Variants in SHISA9 observed in about 807,000 individuals in gnomAD.
SHISA9 encodes the protein shisa family member 9.
Under a neutral mutation model 38.0 loss-of-function variants are expected in SHISA9, and 13 were observed. The observed-to-expected ratio is 0.34, with a 90% CI of 0.22 to 0.54. The LOEUF is 0.54. Among genes scored for constraint, SHISA9 ranks in the 20% least tolerant of loss-of-function variants. The pLI, the probability that SHISA9 is intolerant of heterozygous loss-of-function variation, is 0.91. For missense variants in SHISA9, 538 were observed against 575.8 expected, an observed-to-expected ratio of 0.93 and a Z score of 0.67; for synonymous variants, 275 against 242.0, an observed-to-expected ratio of 1.14 and a Z score of -1.27.
intron 2 of SHISA9, among the ~76,000 whole-genome samples, chr16:13,079,319 TGTGTTCTTATGAG>T (rs1417521250): frequency 6.6e-6 from 1 of 152,232 alleles, no homozygotes; most frequent in African/African-American, 2.4e-5. Context: ...ATCTACTTCC[TGTGTTCTTATGAG>T]GAAGGATTCA....
intron 2 of SHISA9, among the ~76,000 whole-genome samples, chr16:13,184,724 G>C (rs1010768908): frequency 6.6e-6 from 1 of 151,826 alleles, no homozygotes; most frequent in African/African-American, 2.4e-5. Context: ...TCTGGCATTC[G>C]AGTCTGGCTT....
intron 2 of SHISA9, among the ~76,000 whole-genome samples, chr16:13,121,526 A>G (rs1277188304): frequency 6.6e-6 from 1 of 152,180 alleles, no homozygotes; most frequent in African/African-American, 2.4e-5. Context: ...CATTCTGTGC[A>G]TTTCCTGTAA....
At chr16:13,211,823 T>C (rs1596736256) in intron 3 of SHISA9, among the ~76,000 whole-genome samples, 1 of 152,220 alleles carries the variant, frequency 6.6e-6, no homozygotes, top group African/African-American at 2.4e-5. Context: ...TTCAGATGGC[T>C]TCCCTGGAGT....
chr16:12,907,045 C>A (rs112652429), intron 1 of SHISA9, among the ~76,000 whole-genome samples: 1 of 139,476 alleles, frequency 7.2e-6, no homozygotes, highest in Non-Finnish European at 1.6e-5. Flanking sequence ...CATCCCCCTT[C>A]CCCCTTCCCT....
At chr16:13,174,773 T>C (rs139840559) in intron 2 of SHISA9, among the ~76,000 whole-genome samples, 2 of 152,242 alleles carry the variant, frequency 1.3e-5, no homozygotes, top group South Asian at 2.1e-4. Flanking sequence ...GGGAGGCCTG[T>C]GGGAGTGTGA....
the SHISA9 span, among the ~76,000 whole-genome samples, chr16:13,262,773 A>G: frequency 1.3e-5 from 2 of 152,206 alleles, no homozygotes; most frequent in South Asian, 4.2e-4. Context: ...CCCTTGTGTA[A>G]TGGAACACTC....
the SHISA9 span, among the ~76,000 whole-genome samples, chr16:13,455,911 C>T: frequency 1.3e-5 from 2 of 152,198 alleles, no homozygotes; most frequent in African/African-American, 2.4e-5. Flanking sequence ...ACCTAAGCCC[C>T]GTAAGTAGAA....
chr16:13,438,133 T>C, the SHISA9 span, among the ~76,000 whole-genome samples: 1 of 152,232 alleles, frequency 6.6e-6, no homozygotes, highest in East Asian at 1.9e-4. Context: ...CCCAAAGTGC[T>C]GGGATTACAG....
At chr16:13,308,510 G>C in the SHISA9 span, among the ~76,000 whole-genome samples, 1 of 152,160 alleles carries the variant, frequency 6.6e-6, no homozygotes, top group East Asian at 1.9e-4. Flanking sequence ...GTCCCCATGA[G>C]CATGGGTCTC....
At chr16:13,512,536 A>G in the SHISA9 span, among the ~76,000 whole-genome samples, 2 of 152,146 alleles carry the variant, frequency 1.3e-5, no homozygotes. Flanking sequence ...AAAAAAAGAG[A>G]GTCTGTATAG....
intron 2 of SHISA9, among the ~76,000 whole-genome samples, chr16:12,938,805 T>G (rs2071569783): frequency 6.6e-6 from 1 of 152,100 alleles, no homozygotes; most frequent in African/African-American, 2.4e-5. Context: ...GCCTTTTGAC[T>G]TTCCATGCCA....
At position 12,902,339 on chromosome 16, in the gene SHISA9, C is replaced by T. The variant is rs2071029247; in HGVS notation, c.275C>T (p.Ser92Leu). 3.2e-6 allele frequency: 5 copies of T among 1,551,444 alleles called. No individual in the cohort carries two copies. The highest frequency in any genetic ancestry group is 4.4e-6 in the Non-Finnish European group (5 of 1,146,994). ...GQWDPPFNCS[S>L]GDFIFCCGTC... ...TGGGACCCGCCGTTCAACTGCAGCT[C>T]GGGCGACTTCATCTTCTGCTGCGGG... Residue 92 changes from serine (S) to leucine (L), a missense_variant, in exon 1 of 5, where the codon TCG becomes TTG. By Grantham distance (145) the Ser-to-Leu change is moderately radical (BLOSUM62 -2). Coordinates refer to ENST00000558583, the MANE Select transcript of SHISA9 (RefSeq NM_001145204.3).
chr16:13,134,417 G>A (rs2050330546), intron 2 of SHISA9, among the ~76,000 whole-genome samples: 1 of 152,184 alleles, frequency 6.6e-6, no homozygotes, highest in Non-Finnish European at 1.5e-5. Flanking sequence ...GGATGGGGAT[G>A]AGCAAAATGG....
chr16:13,522,895 C>T, the SHISA9 span, among the ~76,000 whole-genome samples: 2 of 152,102 alleles, frequency 1.3e-5, no homozygotes, highest in African/African-American at 4.8e-5. Flanking sequence ...CAATTCAGCC[C>T]CTGTTATATT....
At position 13,134,726 on chromosome 16, in the gene SHISA9, C is replaced by G. The variant is rs542375527; in HGVS notation, c.692-68668C>G. Among the ~76,000 whole-genome samples, 9 of 152,012 alleles carry G rather than the reference C, an allele frequency of 5.9e-5. No individual in the cohort carries two copies. In the South Asian group the frequency reaches 1.0e-3, roughly 18 times the overall value. On this transcript the variant is annotated intron_variant, in intron 2 of 4. Transcript: ENST00000558583. ...TGAGAGGTGTTTCAGTCAGTCTAGG[C>G]TAAGTTATGTTGCCATAACAAGTAT... is the stretch of plus-strand genomic sequence containing the variant.
chr16:12,916,949 C>CT (rs2071266846), intron 2 of SHISA9, 134 bp downstream of exon 2: 2 of 1,045,984 alleles, frequency 1.9e-6, no homozygotes, highest in Non-Finnish European at 2.7e-6. Context: ...TCTTTCATGT[C>CT]TTTTGGATGA....
intron 2 of SHISA9, among the ~76,000 whole-genome samples, chr16:12,947,472 G>T (rs2071702848): frequency 6.6e-6 from 1 of 152,162 alleles, no homozygotes; most frequent in Non-Finnish European, 1.5e-5. Flanking sequence ...GGTCACTTAA[G>T]ATAAAGATGT....
At chr16:12,963,769 TATC>T (rs2071941656) in intron 2 of SHISA9, among the ~76,000 whole-genome samples, 1 of 152,148 alleles carries the variant, frequency 6.6e-6, no homozygotes, top group Non-Finnish European at 1.5e-5. Flanking sequence ...TTTCACAAAG[TATC>T]ATACAGGTGG....
intron 2 of SHISA9, among the ~76,000 whole-genome samples, chr16:12,944,429 G>A (rs141660702): frequency 5.1e-4 from 77 of 152,276 alleles, no homozygotes; most frequent in African/African-American, 1.7e-3. Context: ...GCATTGTTAC[G>A]ATGATGATTG....
Sources: gnomAD v4.1 joint callset for allele counts (sites outside exome capture counted in the v4.1 genomes callset) on GRCh38, gnomAD v4.1.1 for gene constraint, MANE v1.5 for transcripts, NCBI Gene and HGNC (gene_info 2026-07-23, HGNC 2026-07-21) for gene names.